COL11A1: variants seen among roughly 807,000 people sequenced by gnomAD.
COL11A1 encodes the protein collagen alpha-1(XI) chain.
A neutral mutation model predicts 265.2 loss-of-function variants in COL11A1; 74 were observed. The observed-to-expected ratio is 0.28, with a 90% CI of 0.23 to 0.34. COL11A1 has a LOEUF of 0.34. Ranked by LOEUF, COL11A1 falls within the 10% of genes least tolerant of loss-of-function variation. COL11A1 has a pLI of 1.00. For missense variants in COL11A1, 2,165 were observed against 2,263.6 expected (o/e 0.96, Z 0.88); for synonymous variants, 816 against 727.6 (o/e 1.12, Z -1.96).
At chr1:103,048,330 G>A (rs968563218) in intron 4 of COL11A1, among the ~76,000 whole-genome samples, 4 of 152,130 alleles carry the variant, frequency 2.6e-5, no homozygotes, top group Non-Finnish European at 5.9e-5. Context: ...GTTTATTCTT[G>A]GGAGGATGTA....
intron 1 of COL11A1, among the ~76,000 whole-genome samples, chr1:103,091,578 T>C (rs1295617239): frequency 6.6e-6 from 1 of 152,076 alleles, no homozygotes; most frequent in East Asian, 1.9e-4. Flanking sequence ...GTTGTATAGT[T>C]TACATTAATT....
chr1:103,007,632 C>G (rs1467804561), intron 15 of COL11A1, among the ~76,000 whole-genome samples: 1 of 151,960 alleles, frequency 6.6e-6, no homozygotes, highest in Non-Finnish European at 1.5e-5. Context: ...CCCAGGAGGG[C>G]AGATTGCTTG....
At chr1:103,107,043 G>C (rs939853186) in intron 1 of COL11A1, among the ~76,000 whole-genome samples, 3 of 152,114 alleles carry the variant, frequency 2.0e-5, no homozygotes, top group African/African-American at 7.2e-5. Flanking sequence ...ACCTCCAAAG[G>C]CTTTCGCCTG....
rs114872505 is a variant in COL11A1, at chr1:102,935,992, G to A, written c.3439-879C>T. Among the ~76,000 whole-genome samples the A allele has an allele frequency of 7.0e-3, 1,062 of 152,102 alleles. 14 individuals are homozygous for A. The highest frequency in any genetic ancestry group is 0.024 in the African/African-American group (1,005 of 41,490). Reference sequence around the variant, plus strand: ...TGAATAAAGTTGCTGGTAACTTAGCGCTTATCATGTTGGTAGCTACCATTT... The same window carrying A: ...TGAATAAAGTTGCTGGTAACTTAGCACTTATCATGTTGGTAGCTACCATTT... On this transcript the variant is annotated intron_variant, in intron 44 of 66. Coordinates refer to ENST00000370096, the MANE Select transcript of COL11A1 (RefSeq NM_001854.4).
At chr1:102,973,011 T>C (rs970626669) in intron 36 of COL11A1, among the ~76,000 whole-genome samples, 1 of 152,112 alleles carries the variant, frequency 6.6e-6, no homozygotes, top group African/African-American at 2.4e-5. Flanking sequence ...ATAAAATTTT[T>C]TCCTGCTATG....
chr1:103,009,361 C>T (rs1665915670), intron 14 of COL11A1, among the ~76,000 whole-genome samples: 1 of 152,026 alleles, frequency 6.6e-6, no homozygotes, highest in Admixed American at 6.6e-5. Flanking sequence ...TTGCAGAGAG[C>T]CAAGATAGCA....
intron 1 of COL11A1, among the ~76,000 whole-genome samples, chr1:103,085,706 T>C (rs887558072): frequency 2.0e-5 from 3 of 152,212 alleles, no homozygotes; most frequent in Non-Finnish European, 4.4e-5. Context: ...ATAAAAATTA[T>C]AATGATGTTT....
At chr1:103,020,683 G>T (rs374968870) in intron 9 of COL11A1, among the ~76,000 whole-genome samples, 5,566 of 93,264 alleles carry the variant, frequency 0.06, 161 homozygotes, top group African/African-American at 0.073. Context: ...GTCCTGAATG[G>T]TAATGCCTAG....
rs369265343 is a variant in COL11A1, at chr1:102,883,235, A to G, written c.4935T>C (p.Gly1645=). 54 of 1,613,594 alleles carry G rather than the reference A, an allele frequency of 3.3e-5. No homozygotes were observed. In the Admixed American group the frequency reaches 5.5e-4, roughly 16 times the overall value. ...FKVYCNFTSG[G]ETCIYPDKKS... Reference sequence around the variant, plus strand: ...TTTTGTCTGGATAAATGCAAGTCTCACCACCAGATGTGAAATTACAGTAAA... The same window carrying G: ...TTTTGTCTGGATAAATGCAAGTCTCGCCACCAGATGTGAAATTACAGTAAA... Residue 1645 remains glycine (G), a synonymous_variant, in exon 64 of 67, where the codon GGT becomes GGC. Coordinates refer to ENST00000370096, the MANE Select transcript of COL11A1 (RefSeq NM_001854.4).
intron 8 of COL11A1, among the ~76,000 whole-genome samples, chr1:103,022,158 C>T (rs1667147455): frequency 7.1e-6 from 1 of 140,958 alleles, no homozygotes; most frequent in South Asian, 2.1e-4. Flanking sequence ...ACCCGGCCGG[C>T]CATTTGTTTT....
chr1:102,910,336 T>C (rs1465073108), intron 54 of COL11A1, among the ~76,000 whole-genome samples: 2 of 152,050 alleles, frequency 1.3e-5, no homozygotes, highest in Non-Finnish European at 2.9e-5. Flanking sequence ...TCATCTCAAA[T>C]ATCAAATGAT....
chr1:102,919,346 AATC>A (rs962992176), intron 49 of COL11A1, among the ~76,000 whole-genome samples: 6 of 19,436 alleles, frequency 3.1e-4, no homozygotes, highest in Non-Finnish European at 1.2e-3. Flanking sequence ...ATATAATAAC[AATC>A]TAATCTTATT....
intron 5 of COL11A1, among the ~76,000 whole-genome samples, chr1:103,029,921 G>A (rs1441298165): frequency 6.6e-6 from 1 of 151,982 alleles, no homozygotes; most frequent in Non-Finnish European, 1.5e-5. Context: ...AGCCATATCT[G>A]TTGCTAAAAA....
chr1:102,918,477 T>A (rs1655607325), intron 49 of COL11A1, among the ~76,000 whole-genome samples: 1 of 151,384 alleles, frequency 6.6e-6, no homozygotes, highest in Admixed American at 6.6e-5. Flanking sequence ...TGGAAATAAA[T>A]TTTCCAATTA....
intron 28 of COL11A1, among the ~76,000 whole-genome samples, chr1:102,991,103 A>G (rs1032321009): frequency 1.3e-5 from 2 of 152,092 alleles, no homozygotes; most frequent in African/African-American, 4.8e-5. Context: ...GTACAGATGA[A>G]GTAGAAAGGG....
chr1:103,083,533 A>T (rs1672607938), intron 1 of COL11A1, among the ~76,000 whole-genome samples: 1 of 152,150 alleles, frequency 6.6e-6, no homozygotes, highest in Non-Finnish European at 1.5e-5. Context: ...TAAAATGTGC[A>T]CCTACTTAGT....
At chr1:102,932,345 C>T (rs903259484) in intron 46 of COL11A1, among the ~76,000 whole-genome samples, 4 of 152,052 alleles carry the variant, frequency 2.6e-5, no homozygotes, top group African/African-American at 9.7e-5. Context: ...TTCTCCTTCA[C>T]TTATGAAGGT....
intron 35 of COL11A1, among the ~76,000 whole-genome samples, chr1:102,977,582 C>G (rs981996818): frequency 6.6e-6 from 1 of 152,078 alleles, no homozygotes; most frequent in Non-Finnish European, 1.5e-5. Flanking sequence ...CAGTGGTGCT[C>G]TAAAAACAAA....
intron 4 of COL11A1, among the ~76,000 whole-genome samples, chr1:103,037,890 A>G (rs976893114): frequency 6.6e-6 from 1 of 152,154 alleles, no homozygotes; most frequent in African/African-American, 2.4e-5. Context: ...TAGATATTTC[A>G]TCTCCCTAAA....
Sources: allele counts gnomAD v4.1 joint callset (sites outside exome capture counted in the v4.1 genomes callset), GRCh38; gene constraint gnomAD v4.1.1; transcripts MANE v1.5; gene names NCBI Gene and HGNC (gene_info 2026-07-23, HGNC 2026-07-21).